The following XKR6 variants were observed in gnomAD, a reference collection of about 807,000 sequenced individuals.
XKR6 encodes the protein XK-related protein 6.
Under a neutral mutation model 56.7 loss-of-function variants are expected in XKR6, and 22 were observed. The observed-to-expected ratio is 0.39, with a 90% CI of 0.28 to 0.55. XKR6 has a LOEUF of 0.55. Ranked by LOEUF, XKR6 falls within the 20% of genes least tolerant of loss-of-function variation. The pLI is 0.66. For missense variants in XKR6, 852 were observed against 889.0 expected (o/e 0.96, Z 0.53); for synonymous variants, 524 against 387.8 (o/e 1.35, Z -4.13).
At chr8:10,973,048 T>C (rs1448297410) in intron 1 of XKR6, among the ~76,000 whole-genome samples, 1 of 152,192 alleles carries the variant, frequency 6.6e-6, no homozygotes, top group Non-Finnish European at 1.5e-5. Context: ...GGTTTCTTGA[T>C]AGACGAGGCT....
intron 1 of XKR6, among the ~76,000 whole-genome samples, chr8:11,158,556 G>A (rs1260644948): frequency 3.9e-5 from 6 of 152,100 alleles, no homozygotes; most frequent in Admixed American, 3.3e-4. Context: ...AAACCTTTGT[G>A]TTTACTTCAT....
intron 1 of XKR6, among the ~76,000 whole-genome samples, chr8:11,188,792 T>C (rs916692529): frequency 6.6e-5 from 10 of 152,126 alleles, no homozygotes; most frequent in Admixed American, 6.5e-4. Flanking sequence ...CCTGTGCAAG[T>C]CCACAGACCC....
chr8:11,158,501 C>T (rs142788771), intron 1 of XKR6, among the ~76,000 whole-genome samples: 10 of 152,298 alleles, frequency 6.6e-5, no homozygotes, highest in African/African-American at 2.4e-4. Flanking sequence ...CTAGAAACTT[C>T]GCCTTGAGTT....
intron 1 of XKR6, among the ~76,000 whole-genome samples, chr8:10,952,662 T>C (rs539127209): frequency 6.6e-6 from 1 of 152,162 alleles, no homozygotes; most frequent in Non-Finnish European, 1.5e-5. Context: ...AGTTTGAATG[T>C]GTATCCTTGC....
chr8:11,013,162 T>C (rs547623606), intron 1 of XKR6, among the ~76,000 whole-genome samples: 17 of 152,200 alleles, frequency 1.1e-4, no homozygotes, highest in Non-Finnish European at 2.4e-4. Context: ...TTAATCCTCA[T>C]AGTGACCCTA....
At chr8:11,155,908 C>G (rs1293526314) in intron 1 of XKR6, among the ~76,000 whole-genome samples, 1 of 152,164 alleles carries the variant, frequency 6.6e-6, no homozygotes, top group Non-Finnish European at 1.5e-5. Flanking sequence ...AAATTTAGAT[C>G]ATGTCCTCCT....
chr8:11,093,819 T>C (rs894560027), intron 1 of XKR6, among the ~76,000 whole-genome samples: 2 of 152,208 alleles, frequency 1.3e-5, no homozygotes, highest in Non-Finnish European at 2.9e-5. Flanking sequence ...AGTCTCGCTC[T>C]GTCGCACAGG....
At chr8:10,954,965 T>C (rs1801839356) in intron 1 of XKR6, among the ~76,000 whole-genome samples, 1 of 150,606 alleles carries the variant, frequency 6.6e-6, no homozygotes, top group Non-Finnish European at 1.5e-5. Flanking sequence ...GCCTCCTGGG[T>C]TCAAGTGATT....
intron 1 of XKR6, among the ~76,000 whole-genome samples, chr8:11,183,505 G>C (rs1345166519): frequency 6.7e-6 from 1 of 149,404 alleles, no homozygotes; most frequent in African/African-American, 2.5e-5. Context: ...ACTTTTTGAA[G>C]ACATAGGGTC....
In XKR6 at chr8:10,954,866, C is replaced by CCTTTTT. The variant is rs1554515116; in HGVS notation, c.765-30037_765-30036insAAAAAG. ...TAAGGTAAGGGTCTAACTTCATTCT[C>CCTTTTT]TTTTTTTTTTTTTTTTTTTTAGACA... On this transcript the variant is annotated intron_variant, in intron 1 of 2. Transcript: ENST00000416569. Among the ~76,000 whole-genome samples, 622 of 92,780 alleles carry CCTTTTT rather than the reference C, an allele frequency of 6.7e-3. 31 individuals carry two copies. Among genetic ancestry groups the CCTTTTT allele is most frequent in the African/African-American group, 0.023 (531 of 23,268 alleles). The allele number at this position is 92,780 out of a possible 152,430, so 60.9% of individuals were successfully genotyped here.
At chr8:11,132,803 G>A (rs1387356038) in intron 1 of XKR6, among the ~76,000 whole-genome samples, 1 of 124,766 alleles carries the variant, frequency 8.0e-6, no homozygotes, top group African/African-American at 2.9e-5. Flanking sequence ...TTTTTTTCTT[G>A]GAAGACTTTT....
chr8:11,055,302 T>A (rs971524786), intron 1 of XKR6, among the ~76,000 whole-genome samples: 1 of 151,244 alleles, frequency 6.6e-6, no homozygotes, highest in African/African-American at 2.4e-5. Context: ...GGCAATAAGA[T>A]CCCTAGGGTG....
chr8:11,014,837 CAAA>C (rs1188266941), intron 1 of XKR6, among the ~76,000 whole-genome samples: 1 of 152,102 alleles, frequency 6.6e-6, no homozygotes, highest in African/African-American at 2.4e-5. Flanking sequence ...CCCCTGAATC[CAAA>C]ATTAATAATG....
rs1358244464 is a variant in XKR6 at position 11,137,585 on chromosome 8, C to A, written c.764+62991G>T. On this transcript the variant is annotated intron_variant, in intron 1 of 2. Transcript: ENST00000416569. ...AAGAAAAAGACAGCAGGGAGAAGTT[C>A]TCTTTAGAACCAGCTCTTCTACACC... 7 of 456,234 alleles carry A rather than the reference C, an allele frequency of 1.5e-5. No homozygotes were observed. In the East Asian group the frequency reaches 4.9e-4, roughly 32 times the overall value. 28.3% of individuals were successfully genotyped at this position (456,234 alleles called of 1,614,324 possible).
At chr8:10,945,533 G>C (rs1801509105) in intron 1 of XKR6, among the ~76,000 whole-genome samples, 1 of 152,202 alleles carries the variant, frequency 6.6e-6, no homozygotes, top group Non-Finnish European at 1.5e-5. Context: ...GCAAACCCAT[G>C]TATTGGAGAA....
intron 1 of XKR6, among the ~76,000 whole-genome samples, chr8:10,954,432 C>A (rs1204738958): frequency 6.6e-6 from 1 of 152,194 alleles, no homozygotes; most frequent in Non-Finnish European, 1.5e-5. Flanking sequence ...AGTGTCTTTT[C>A]ATGTGCTTAG....
chr8:11,201,068 C>A lies in XKR6; in HGVS notation c.272G>T (p.Gly91Val). 4 of 1,324,082 alleles carry A rather than the reference C, an allele frequency of 3.0e-6. No homozygotes were observed. The highest frequency in any genetic ancestry group is 3.8e-6 in the Non-Finnish European group (4 of 1,039,166). 82.0% of individuals were successfully genotyped at this position (1,324,082 alleles called of 1,614,324 possible). ...KPRRSAAADGGDQPLQPPAAP... is the reference protein window; with the variant it reads ...KPRRSAAADGVDQPLQPPAAP... ...CGCGGGAGGCTGCAGCGGCTGGTCC[C>A]CCCCGTCGGCGGCGGCGCTGCGGCG... Residue 91 changes from glycine (G) to valine (V), a missense_variant, in exon 1 of 3, where the codon GGG (glycine) becomes GTG (valine). By Grantham distance (109) the Gly-to-Val change is moderately radical (BLOSUM62 -3). Around this residue, in one of 4 missense-constraint regions of XKR6, gnomAD observed 417 missense variants for 355.2 expected, o/e 1.17. Transcript: ENST00000416569.
chr8:10,988,798 G>C (rs1353829714), intron 1 of XKR6, among the ~76,000 whole-genome samples: 1 of 152,162 alleles, frequency 6.6e-6, no homozygotes, highest in East Asian at 1.9e-4. Context: ...CAAAACATGT[G>C]AACCATGATT....
chr8:11,054,225 G>A (rs1799624914), intron 1 of XKR6, among the ~76,000 whole-genome samples: 1 of 152,156 alleles, frequency 6.6e-6, no homozygotes, highest in Non-Finnish European at 1.5e-5. Flanking sequence ...TTCTGGACAT[G>A]GCCATTGTTC....
Sources: gnomAD v4.1 joint callset for allele counts (sites outside exome capture counted in the v4.1 genomes callset) on GRCh38, gnomAD v4.1.1 for gene constraint, gnomAD v4.1.1 regional missense constraint, MANE v1.5 for transcripts, NCBI Gene and HGNC (gene_info 2026-07-23, HGNC 2026-07-21) for gene names.